The following ARRDC5 variants were observed in gnomAD, a reference collection of about 807,000 sequenced individuals.
ARRDC5 encodes arrestin domain containing 5.
ARRDC5 carries 12 observed loss-of-function variants against 13.3 expected under a neutral mutation model. The ratio of observed to expected loss-of-function variants is 0.90; its 90% CI spans 0.58 to 1.46. The LOEUF (loss-of-function observed/expected upper bound fraction) is 1.46, where lower values mean the gene tolerates loss of function less well. Among genes scored for constraint, ARRDC5 ranks in the 40% most tolerant of loss-of-function variants. ARRDC5 has a pLI of 0.00. For synonymous variants in ARRDC5, 181 were observed against 173.4 expected, an observed-to-expected ratio of 1.04 and a Z score of -0.34; for missense variants, 406 against 418.7, an observed-to-expected ratio of 0.97 and a Z score of 0.26.
chr19:4,909,557 G>T, the ARRDC5 span: 2 of 658,508 alleles, frequency 3.0e-6, no homozygotes, highest in East Asian at 3.2e-5. Context: ...CGGGTCGCAC[G>T]CAAGTCCGCG....
chr19:4,892,932 G>A (rs142948649), intron 2 of ARRDC5, among the ~76,000 whole-genome samples: 9,619 of 149,768 alleles, frequency 0.064, 422 homozygotes, highest in African/African-American at 0.12. Flanking sequence ...GTGAAACCCC[G>A]TCTCTACTAA....
At chr19:4,907,890 T>C (rs981236219), upstream of ARRDC5, among the ~76,000 whole-genome samples, 1 of 151,850 alleles carries the variant, frequency 6.6e-6, no homozygotes, top group Non-Finnish European at 1.5e-5. Context: ...TTTTGTGTTT[T>C]TAGTAGAAAC....
upstream of ARRDC5, chr19:4,902,903 G>C (rs1667366550): frequency 6.2e-7 from 1 of 1,604,460 alleles, no homozygotes; most frequent in South Asian, 1.1e-5. Context: ...CCCTAGTGAG[G>C]TAATCCATCT....
At chr19:4,898,813 G>A (rs1403474682) in intron 1 of ARRDC5, among the ~76,000 whole-genome samples, 1 of 151,608 alleles carries the variant, frequency 6.6e-6, no homozygotes, top group Admixed American at 6.6e-5. Context: ...TTTTCATAGA[G>A]ATGGGGTTTT....
At chr19:4,904,019 C>T (rs1393376187), upstream of ARRDC5, among the ~76,000 whole-genome samples, 3 of 151,948 alleles carry the variant, frequency 2.0e-5, no homozygotes, top group Non-Finnish European at 4.4e-5. Context: ...CTCTGTTGCC[C>T]AGGCTGGAGT....
upstream of ARRDC5, among the ~76,000 whole-genome samples, chr19:4,904,701 A>G (rs1314995608): frequency 1.3e-5 from 2 of 152,190 alleles, no homozygotes; most frequent in Non-Finnish European, 2.9e-5. Flanking sequence ...CTTTGTGCCC[A>G]TCAATGTCTG....
In ARRDC5 at chr19:4,902,639, T is replaced by C. The variant is rs1465756996; in HGVS notation, c.187A>G (p.Ser63Gly). ...TTGTTGTTGCAAATAACATTTCTGC[T>C]ATAATCACAGGATGCCCCGGCTTCT... is the stretch of plus-strand genomic sequence containing the variant. ...SEEAGASCDY[S>G]RNVICNNKAD... Residue 63 changes from serine to glycine, a missense_variant, in exon 1 of 3, where the codon AGC becomes GGC. Ser to Gly is a moderately conservative substitution (Grantham distance 56). Coordinates refer to ENST00000650722, the MANE Select transcript of ARRDC5 (RefSeq NM_001080523.3). 1.2e-6 allele frequency: 2 copies of C among 1,613,928 alleles called. No homozygotes were observed. Among genetic ancestry groups the C allele is most frequent in the Non-Finnish European group, 8.5e-7 (1 of 1,179,914 alleles).
the ARRDC5 span, chr19:4,909,736 G>T: frequency 2.0e-6 from 1 of 489,638 alleles, no homozygotes; most frequent in South Asian, 3.1e-5. Flanking sequence ...TTCCCGCGCG[G>T]CCAGCCCGGG....
At chr19:4,907,332 C>T (rs1281469734), upstream of ARRDC5, among the ~76,000 whole-genome samples, 2 of 152,042 alleles carry the variant, frequency 1.3e-5, no homozygotes, top group African/African-American at 4.8e-5. Context: ...TGCAGTGGCA[C>T]GATCTCTGCT....
At chr19:4,915,589 T>C in the ARRDC5 span, among the ~76,000 whole-genome samples, 1 of 152,046 alleles carries the variant, frequency 6.6e-6, no homozygotes, top group Non-Finnish European at 1.5e-5. Context: ...GGCGCATGTC[T>C]GTAGTTCCAC....
At chr19:4,916,700 G>A in the ARRDC5 span, among the ~76,000 whole-genome samples, 9 of 152,204 alleles carry the variant, frequency 5.9e-5, no homozygotes, top group Non-Finnish European at 1.2e-4. Flanking sequence ...TCCTGCATCC[G>A]TTTTTCCTTC....
the ARRDC5 span, chr19:4,909,471 C>A: frequency 1.5e-6 from 1 of 653,722 alleles, no homozygotes. Context: ...CCGCAACTCC[C>A]AAATGCCGAG....
At chr19:4,913,980 T>G in the ARRDC5 span, among the ~76,000 whole-genome samples, 1 of 151,708 alleles carries the variant, frequency 6.6e-6, no homozygotes, top group Non-Finnish European at 1.5e-5. Flanking sequence ...CGCAGCTAAT[T>G]TTTTTTGTAT....
upstream of ARRDC5, among the ~76,000 whole-genome samples, chr19:4,906,823 C>G (rs987320471): frequency 6.6e-6 from 1 of 152,148 alleles, no homozygotes; most frequent in African/African-American, 2.4e-5. Flanking sequence ...TTCGCAACAG[C>G]GCTACAAACA....
the ARRDC5 span, among the ~76,000 whole-genome samples, chr19:4,908,245 T>C: frequency 2.6e-5 from 4 of 151,886 alleles, no homozygotes; most frequent in Non-Finnish European, 4.4e-5. Context: ...GACGTGGGGG[T>C]CTAGAGACGC....
At chr19:4,907,461 G>T (rs779382086), upstream of ARRDC5, among the ~76,000 whole-genome samples, 1 of 151,958 alleles carries the variant, frequency 6.6e-6, no homozygotes. Flanking sequence ...TAGAGATGGG[G>T]TTTCACCATG....
upstream of ARRDC5, among the ~76,000 whole-genome samples, chr19:4,904,808 C>T (rs1445754766): frequency 6.6e-6 from 1 of 152,164 alleles, no homozygotes; most frequent in East Asian, 1.9e-4. Context: ...GAGAATGTAT[C>T]ATTTTGCAAA....
At chr19:4,911,106 G>T in the ARRDC5 span, 5 of 1,393,894 alleles carry the variant, frequency 3.6e-6, no homozygotes, top group Non-Finnish European at 2.9e-6. Flanking sequence ...GCCACCAGCC[G>T]ATACTTTCTC....
chr19:4,893,235 G>A (rs560840362), intron 2 of ARRDC5, among the ~76,000 whole-genome samples: 1 of 143,298 alleles, frequency 7.0e-6, no homozygotes, highest in African/African-American at 2.6e-5. Flanking sequence ...GCCAGGCGCA[G>A]TGGCTCACAC....
Sources: allele counts gnomAD v4.1 joint callset (sites outside exome capture counted in the v4.1 genomes callset), GRCh38; gene constraint gnomAD v4.1.1; transcripts MANE v1.5; gene names NCBI Gene and HGNC (gene_info 2026-07-23, HGNC 2026-07-21).